Variants in PDZD4 observed in about 807,000 individuals in gnomAD.
The protein encoded by PDZD4 is PDZ domain containing 4.
Under a neutral mutation model 38.5 loss-of-function variants are expected in PDZD4, and 9 were observed. That is an observed-to-expected ratio of 0.23 (90% CI 0.14 to 0.41). The LOEUF is 0.41. PDZD4 is among the 10% of genes least tolerant of loss of function. The pLI, the probability that PDZD4 is intolerant of heterozygous loss-of-function variation, is 1.00. For missense variants in PDZD4, 612 were observed against 722.0 expected (o/e 0.85, Z 1.75); for synonymous variants, 349 against 315.7 (o/e 1.11, Z -1.12).
At position 153,804,346 on chromosome X, in the gene PDZD4, G is replaced by A. The variant is rs781929495; in HGVS notation, c.1335C>T (p.Ser445=). ...GCTCGCTGGCCGCCAGGTCGTAGAG[G>A]CTCTCCTCCTCCAGCAGCCAGGCCT... ...CMKAWLLEEE[S]LYDLAASEPK... The change falls in exon 8 of 8, where the codon AGC becomes AGT. Residue 445 remains serine (S), a synonymous_variant. Coordinates refer to ENST00000393758, the MANE Select transcript of PDZD4 (RefSeq NM_001303512.2). 2 of 1,207,874 alleles carry A rather than the reference G, an allele frequency of 1.7e-6. No homozygotes were observed. The highest frequency in any genetic ancestry group is 1.8e-5 in the South Asian group (1 of 57,014).
intron 1 of PDZD4, among the ~76,000 whole-genome samples, chrX:153,819,993 A>G (rs1387000582): frequency 2.7e-5 from 3 of 111,122 alleles, no homozygotes; most frequent in African/African-American, 9.8e-5. Flanking sequence ...GCACTCATAC[A>G]ATGGGCCAGC....
Position 153,806,145 on chromosome X carries a change from A to C in PDZD4, c.505-12T>G, listed in dbSNP as rs781879564. 8.3e-7 allele frequency: 1 copy of C among 1,210,566 alleles called. No individual in the cohort carries two copies. The highest frequency in any genetic ancestry group is 1.1e-6 in the Non-Finnish European group (1 of 894,588). On this transcript the variant is annotated splice_polypyrimidine_tract_variant and intron_variant, in intron 4 of 7. Transcript: ENST00000393758. ...CTGTTGGGATTTACCTGCAGGACACACGCATCTTGGGGACTTGGTGCCTAA... is the reference window on the plus strand; with the variant it reads ...CTGTTGGGATTTACCTGCAGGACACCCGCATCTTGGGGACTTGGTGCCTAA...
chrX:153,807,909 C>T (rs1557077682), intron 2 of PDZD4: 1 of 984,557 alleles, frequency 1.0e-6, no homozygotes, highest in Non-Finnish European at 1.3e-6. Context: ...GGTCATGAGC[C>T]ACCAGGCCTG....
chrX:153,813,310 G>C (rs2064328604), intron 1 of PDZD4, among the ~76,000 whole-genome samples: 1 of 111,690 alleles, frequency 9.0e-6, no homozygotes, highest in South Asian at 3.7e-4. Flanking sequence ...AGAAAACACA[G>C]ACACAAACAA....
chrX:153,827,869 C>T (rs2064498166), intron 1 of PDZD4, among the ~76,000 whole-genome samples: 1 of 111,955 alleles, frequency 8.9e-6, no homozygotes, highest in Non-Finnish European at 1.9e-5. Flanking sequence ...CTCAATACAG[C>T]TGTAATTTTG....
At chrX:153,829,939 A>G (rs183347266) in intron 1 of PDZD4, 32,516 of 808,159 alleles carry the variant, frequency 0.04, 548 homozygotes, top group Non-Finnish European at 0.045. Context: ...TCCTGCGGGG[A>G]GAGCGTGTGC....
intron 1 of PDZD4, among the ~76,000 whole-genome samples, chrX:153,814,473 A>ACCCCCCCCCCCCCC (rs782572040): frequency 1.5e-4 from 6 of 40,363 alleles, no homozygotes; most frequent in Non-Finnish European, 2.6e-4. Flanking sequence ...GACTCCATCC[A>ACCCCCCCCCCCCCC]CCCCCCACCC....
chrX:153,818,579 G>A (rs2064385483), intron 1 of PDZD4, among the ~76,000 whole-genome samples: 1 of 111,502 alleles, frequency 9.0e-6, no homozygotes, highest in Non-Finnish European at 1.9e-5. Context: ...ACACTGAGCC[G>A]GTTGGGGAGA....
Position 153,808,395 on chromosome X carries a change from C to T in PDZD4, c.261G>A (p.Leu87=), listed in dbSNP as rs782426973. 1.7e-6 allele frequency: 2 copies of T among 1,210,922 alleles called. No homozygotes were observed. The highest frequency in any genetic ancestry group is 1.8e-5 in the South Asian group (1 of 56,976). Residue 87 remains leucine (L), a synonymous_variant, in exon 2 of 8, where the codon CTG becomes CTA. Transcript: ENST00000393758. ...TFEHIMALGK[L]RPPTPPMVIL... Reference sequence around the variant, plus strand: ...TGACCATGGGCGGGGTGGGCGGACGCAGCTTGCCCAGCGCCATGATATGCT... The same window carrying T: ...TGACCATGGGCGGGGTGGGCGGACGTAGCTTGCCCAGCGCCATGATATGCT...
chrX:153,807,152 C>A, intron 3 of PDZD4, 127 bp downstream of exon 3: 1 of 662,048 alleles, frequency 1.5e-6, no homozygotes, highest in Non-Finnish European at 2.3e-6. Context: ...ACCTCACCCG[C>A]ACCCTCCCTG....
rs782037246 is a variant in PDZD4 at position 153,803,487 on chromosome X, G to A, written c.2194C>T (p.Arg732Cys). Residue 732 changes from arginine to cysteine, a missense_variant, in exon 8 of 8, where the codon CGC becomes TGC. Coordinates refer to ENST00000393758, the MANE Select transcript of PDZD4 (RefSeq NM_001303512.2). ...PELNIIALSH[R>C]KTMKKRNKKI... ...TTGTTCCGCTTCTTCATGGTTTTGC[G>A]GTGGCTCAGGGCAATGATGTTGAGC... The A allele has an allele frequency of 2.6e-6, 3 of 1,168,749 alleles. No homozygotes were observed. Among genetic ancestry groups the A allele is most frequent in the Non-Finnish European group, 2.3e-6 (2 of 873,627 alleles).
Position 153,808,600 on chromosome X carries a change from G to A in PDZD4, c.61-5C>T, listed in dbSNP as rs371672549. 58 of 1,153,297 alleles carry A rather than the reference G, an allele frequency of 5.0e-5. No homozygotes were observed. Among genetic ancestry groups the A allele is most frequent in the Non-Finnish European group, 6.3e-5 (55 of 866,165 alleles). The stretch of plus-strand genomic sequence containing the variant: ...GGAGAGCTCCTTCCCGTTCACCTGC[G>A]GCAGAGACACGCCTCCGTAAGAACC... On this transcript the variant is annotated splice_region_variant and splice_polypyrimidine_tract_variant and intron_variant, in intron 1 of 7. Transcript: ENST00000393758.
intron 1 of PDZD4, among the ~76,000 whole-genome samples, chrX:153,818,012 G>A (rs983484924): frequency 8.9e-6 from 1 of 112,536 alleles, no homozygotes; most frequent in East Asian, 2.8e-4. Context: ...TTGGGAGGCC[G>A]AGACAGACGG....
rs375464645 is a variant in PDZD4 at position 153,805,180 on chromosome X, G to A, written c.697C>T (p.Arg233Trp). The A allele has an allele frequency of 5.8e-6, 7 of 1,209,567 alleles. No homozygotes were observed. Among genetic ancestry groups the A allele is most frequent in the Admixed American group, 4.4e-5 (2 of 45,834 alleles). Residue 233 changes from arginine (R) to tryptophan (W), a missense_variant, in exon 7 of 8, where the codon CGG becomes TGG. Around this residue, in one of 3 missense-constraint regions of PDZD4, gnomAD observed 225 missense variants for 311.0 expected, o/e 0.72. Coordinates refer to ENST00000393758, the MANE Select transcript of PDZD4 (RefSeq NM_001303512.2). Reference protein sequence around the residue: ...QLAKRWKDSDRDDFLDDFGSE... With the variant: ...QLAKRWKDSDWDDFLDDFGSE... The stretch of plus-strand genomic sequence containing the variant: ...CCAAAGTCATCCAGGAAGTCATCCC[G>A]GTCGCTGTCCTTCCACCTTTTCGCC...
intron 1 of PDZD4, among the ~76,000 whole-genome samples, chrX:153,827,478 T>G (rs905878332): frequency 1.8e-5 from 2 of 112,150 alleles, no homozygotes; most frequent in African/African-American, 6.5e-5. Context: ...GCACCCCAAA[T>G]GCTCATCAAC....
chrX:153,816,671 G>C (rs1193622305), intron 1 of PDZD4, among the ~76,000 whole-genome samples: 7 of 112,141 alleles, frequency 6.2e-5, no homozygotes, highest in African/African-American at 2.3e-4. Context: ...AAAGCTGCCT[G>C]GGTGGGTAGA....
In PDZD4 at chrX:153,830,419, C is replaced by A; in HGVS notation, c.-121G>T. ...GCCATACCCTGGCGCGGGGGGCGGGCCGCCTAGCGGGGGAGGGGGGCACGC... is the reference window on the plus strand; with the variant it reads ...GCCATACCCTGGCGCGGGGGGCGGGACGCCTAGCGGGGGAGGGGGGCACGC... On this transcript the variant is annotated 5_prime_UTR_variant, in exon 1 of 8. Coordinates refer to ENST00000393758, the MANE Select transcript of PDZD4 (RefSeq NM_001303512.2). 1.8e-6 allele frequency: 1 copy of A among 568,995 alleles called. No individual in the cohort carries two copies. The highest frequency in any genetic ancestry group is 2.7e-6 in the Non-Finnish European group (1 of 364,548). The allele number at this position is 568,995 out of a possible 1,213,427, so 46.9% of individuals were successfully genotyped here. A position where few individuals can be genotyped will look rare whatever the true frequency, so the allele number is the denominator to read the frequency against.
At chrX:153,820,940 A>G (rs2064417212) in intron 1 of PDZD4, among the ~76,000 whole-genome samples, 1 of 112,086 alleles carries the variant, frequency 8.9e-6, no homozygotes, top group Non-Finnish European at 1.9e-5. Context: ...TAATATTTGG[A>G]GACTTTGTGA....
rs372418261 is a variant in PDZD4 at position 153,804,357 on chromosome X, C to G, written c.1324G>C (p.Glu442Gln). Reference sequence around the variant, plus strand: ...GCCAGGTCGTAGAGGCTCTCCTCCTCCAGCAGCCAGGCCTTCATGCAGCGC... The same window carrying G: ...GCCAGGTCGTAGAGGCTCTCCTCCTGCAGCAGCCAGGCCTTCATGCAGCGC... ...RERCMKAWLL[E>Q]EESLYDLAAS... Residue 442 changes from glutamate (E) to glutamine (Q), a missense_variant, in exon 8 of 8, where the codon GAG (glutamate) becomes CAG (glutamine). Glu to Gln is a conservative substitution (Grantham distance 29). Coordinates refer to ENST00000393758, the MANE Select transcript of PDZD4 (RefSeq NM_001303512.2). The G allele has an allele frequency of 4.1e-5, 50 of 1,207,152 alleles. No homozygotes were observed. The African/African-American group carries it at 8.2e-4, about 20-fold the overall frequency.
Sources: allele counts gnomAD v4.1 joint callset (sites outside exome capture counted in the v4.1 genomes callset), GRCh38; gene constraint gnomAD v4.1.1; regional missense constraint gnomAD v4.1.1; transcripts MANE v1.5; gene names NCBI Gene and HGNC (gene_info 2026-07-23, HGNC 2026-07-21).